PTPN21: variants seen among roughly 807,000 people sequenced by gnomAD.
The protein encoded by PTPN21 is tyrosine-protein phosphatase non-receptor type 21.
Under a neutral mutation model 131.8 loss-of-function variants are expected in PTPN21, and 77 were observed. The observed-to-expected ratio is 0.58, with a 90% confidence interval of 0.49 to 0.71. PTPN21 has a LOEUF of 0.71. Ranked by LOEUF, PTPN21 falls within the 30% of genes least tolerant of loss-of-function variation. The probability of loss-of-function intolerance (pLI) is 0.00; values close to 1 mark genes in which losing one functional copy is unlikely to be tolerated. For missense variants in PTPN21, 1,552 were observed against 1,527.1 expected, an observed-to-expected ratio of 1.02 and a Z score of -0.27; for synonymous variants, 715 against 621.3, an observed-to-expected ratio of 1.15 and a Z score of -2.24.
chr14:88,518,364 G>A (rs1419814508), intron 2 of PTPN21, among the ~76,000 whole-genome samples: 3 of 26,186 alleles, frequency 1.1e-4, no homozygotes, highest in African/African-American at 1.7e-4. Context: ...ATACATACAC[G>A]TGTGTGTGTA....
chr14:88,497,523 A>G (rs1385980615), intron 8 of PTPN21, among the ~76,000 whole-genome samples: 1 of 152,094 alleles, frequency 6.6e-6, no homozygotes, highest in Admixed American at 6.5e-5. Flanking sequence ...TAATCTCAGC[A>G]CTTTGGGAGG....
At chr14:88,537,043 A>G (rs953425811) in intron 2 of PTPN21, among the ~76,000 whole-genome samples, 1 of 152,134 alleles carries the variant, frequency 6.6e-6, no homozygotes, top group Non-Finnish European at 1.5e-5. Flanking sequence ...GTTTAATTTT[A>G]ATCAGTTTTC....
intron 3 of PTPN21, chr14:88,512,604 G>A (rs144713456): frequency 6.6e-6 from 1 of 152,166 alleles, no homozygotes; most frequent in South Asian, 2.1e-4. Flanking sequence ...ATTAGATTTA[G>A]AGCAGCACTG....
intron 14 of PTPN21, among the ~76,000 whole-genome samples, chr14:88,473,434 A>T (rs1358153275): frequency 6.6e-6 from 1 of 152,234 alleles, no homozygotes; most frequent in Non-Finnish European, 1.5e-5. Context: ...GAAGGTAAAA[A>T]AGAACACTGA....
At chr14:88,538,142 A>G (rs559746344) in intron 2 of PTPN21, among the ~76,000 whole-genome samples, 1 of 152,326 alleles carries the variant, frequency 6.6e-6, no homozygotes, top group African/African-American at 2.4e-5. Flanking sequence ...GTGCTACCAT[A>G]TAAAGGTTGT....
At position 88,479,560 on chromosome 14, in the gene PTPN21, AG is replaced by A; in HGVS notation, c.1870del (p.Leu624SerfsTer70). The A allele has an allele frequency of 1.9e-6, 3 of 1,598,302 alleles. No homozygotes were observed. The highest frequency in any genetic ancestry group is 2.5e-6 in the Non-Finnish European group (3 of 1,178,558). ...AHSLQEVSEPLTAARHAQLHK... is the reference protein window; with the variant it reads ...AHSLQEVSEPXTAARHAQLHK... ...CAGCTGCGCGTGGCGCGCGGCGGTG[AG>A]GGGCTCGCTGACCTCCTGCAGCGAG... On this transcript the variant is annotated frameshift_variant, in exon 13 of 19. Transcript: ENST00000556564. LOFTEE classifies it high-confidence loss of function.
chr14:88,517,661 C>CAGGTGTAT (rs1555388048), intron 2 of PTPN21, among the ~76,000 whole-genome samples: 1 of 146,330 alleles, frequency 6.8e-6, no homozygotes, highest in African/African-American at 2.5e-5. Flanking sequence ...TGTATATATA[C>CAGGTGTAT]ACATACACAC....
At chr14:88,482,845 T>TG (rs938652025) in intron 12 of PTPN21, among the ~76,000 whole-genome samples, 1 of 151,376 alleles carries the variant, frequency 6.6e-6, no homozygotes, top group Non-Finnish European at 1.5e-5. Context: ...AGGGCCGCTT[T>TG]AACAGAGTGG....
chr14:88,535,511 G>A (rs1248765611), intron 2 of PTPN21, among the ~76,000 whole-genome samples: 2 of 152,232 alleles, frequency 1.3e-5, no homozygotes, highest in Non-Finnish European at 2.9e-5. Context: ...TCTTAATAGG[G>A]AATTTAACAT....
rs1021348163 is a variant in PTPN21 at position 88,480,216 on chromosome 14, A to C, written c.1215T>G (p.Asn405Lys). ...GCGAGGGCTGCAAGTAGGGCTGAGG[A>C]TTATTTAAGGAGTTGGTGCTGTGTG... The part of the protein sequence containing the change: ...YSAHSTNSLN[N>K]PQPYLQPSPM... Residue 405 changes from asparagine to lysine, a missense_variant, in exon 13 of 19, where the codon AAT becomes AAG. Around this residue, in one of 4 missense-constraint regions of PTPN21, gnomAD observed 1,016 missense variants for 883.5 expected, o/e 1.15. Transcript: ENST00000556564. 5 of 1,614,124 alleles carry C rather than the reference A, an allele frequency of 3.1e-6. No individual in the cohort carries two copies. The highest frequency in any genetic ancestry group is 4.2e-6 in the Non-Finnish European group (5 of 1,180,004).
Position 88,469,219 on chromosome 14 carries a change from GGGA to G in PTPN21, c.3236-146_3236-144del. ...CCAGTGAACCAAACCCAACCACAAA[GGGA>G]CAGTGTGACCCTGAGCAAGTCACTA... On this transcript the variant is annotated intron_variant, in intron 17 of 18. Coordinates refer to ENST00000556564, the MANE Select transcript of PTPN21 (RefSeq NM_007039.4). This position sits in a 1 kb window ranked among gnomAD's most constrained non-coding sequence, Gnocchi z 4.3. 1 of 899,604 alleles carries G rather than the reference GGGA, an allele frequency of 1.1e-6. No individual in the cohort carries two copies. Among genetic ancestry groups the G allele is most frequent in the Non-Finnish European group, 1.7e-6 (1 of 603,522 alleles). The allele number at this position is 899,604 out of a possible 1,614,324, so 55.7% of individuals were successfully genotyped here.
At position 88,467,214 on chromosome 14, in the gene PTPN21, C is replaced by T. The variant is rs1019931248; in HGVS notation, c.*923G>A. On this transcript the variant is annotated 3_prime_UTR_variant, in exon 19 of 19. Transcript: ENST00000556564. The stretch of plus-strand genomic sequence containing the variant: ...TAATCTCTCCCAAAACGCTTCTCAG[C>T]GCCCATTGTTATTGTGTCATCTACA... The T allele has an allele frequency of 3.3e-5, 5 of 152,202 alleles. No homozygotes were observed. The highest frequency in any genetic ancestry group is 7.2e-5 in the African/African-American group (3 of 41,428). 9.4% of individuals were successfully genotyped at this position (152,202 alleles called of 1,614,324 possible).
chr14:88,526,537 G>A (rs1299764344), intron 2 of PTPN21, among the ~76,000 whole-genome samples: 3 of 96,544 alleles, frequency 3.1e-5, no homozygotes, highest in Admixed American at 1.5e-4. Flanking sequence ...GCAATAGAGC[G>A]AGATGATCTC....
chr14:88,531,384 C>T (rs2078553238), intron 2 of PTPN21, among the ~76,000 whole-genome samples: 1 of 152,048 alleles, frequency 6.6e-6, no homozygotes, highest in Non-Finnish European at 1.5e-5. Flanking sequence ...TAGTGAAACC[C>T]CATCTCTACT....
At chr14:88,495,769 G>A (rs556831839) in intron 10 of PTPN21, among the ~76,000 whole-genome samples, 16 of 152,304 alleles carry the variant, frequency 1.1e-4, no homozygotes, top group African/African-American at 3.6e-4. Context: ...GGAGCTGTCG[G>A]AGGATCAGTA....
In PTPN21 at chr14:88,493,761, C is replaced by A. The variant is rs546902080; in HGVS notation, c.932+2652G>T. ...GGGAATTGAGTGCAACATTTCGGGT[C>A]TCAGCTTAGATGTCACTTGGCTGGG... On this transcript the variant is annotated intron_variant, in intron 10 of 18. Coordinates refer to ENST00000556564, the MANE Select transcript of PTPN21 (RefSeq NM_007039.4). Among the ~76,000 whole-genome samples the A allele has an allele frequency of 5.3e-5, 8 of 152,330 alleles. No individual in the cohort carries two copies. The South Asian group carries it at 1.7e-3, about 32-fold the overall frequency.
intron 4 of PTPN21, 89 bp downstream of exon 4, chr14:88,507,833 AT>A: frequency 1.4e-6 from 1 of 727,166 alleles, no homozygotes; most frequent in South Asian, 2.1e-5. Context: ...AAAGATGTAT[AT>A]AGATAGATAA....
chr14:88,517,298 A>G (rs1428702663), intron 2 of PTPN21, 37 bp from the exon 3 acceptor site: 1 of 1,598,788 alleles, frequency 6.3e-7, no homozygotes, highest in Non-Finnish European at 8.6e-7. Context: ...AGGCAATAAC[A>G]TACAAAAGGA....
chr14:88,534,210 C>T (rs1287529782), intron 2 of PTPN21, among the ~76,000 whole-genome samples: 3 of 143,014 alleles, frequency 2.1e-5, no homozygotes, highest in Non-Finnish European at 3.0e-5. Context: ...CCCACCTCTG[C>T]TAAAAATTAA....
Sources: allele counts gnomAD v4.1 joint callset (sites outside exome capture counted in the v4.1 genomes callset), GRCh38; gene constraint gnomAD v4.1.1; regional missense constraint gnomAD v4.1.1; non-coding constraint Gnocchi (gnomAD v3.1); transcripts MANE v1.5; gene names NCBI Gene and HGNC (gene_info 2026-07-23, HGNC 2026-07-21).